Variants in CRB1 observed in about 807,000 individuals in gnomAD.
CRB1 encodes crumbs cell polarity complex component 1.
CRB1 carries 83 observed loss-of-function variants against 120.0 expected under a neutral mutation model. That is an observed-to-expected ratio of 0.69 (90% CI 0.58 to 0.83). CRB1 has a LOEUF of 0.83. Ranked by LOEUF, CRB1 falls within the 40% of genes least tolerant of loss-of-function variation. The pLI, the probability that CRB1 is intolerant of heterozygous loss-of-function variation, is 0.00. For synonymous variants in CRB1, 625 were observed against 612.5 expected (o/e 1.02, Z -0.30); for missense variants, 1,699 against 1,687.6 (o/e 1.01, Z -0.12).
At chr1:197,285,261 A>AT (rs769387134) in intron 1 of CRB1, among the ~76,000 whole-genome samples, 39 of 151,920 alleles carry the variant, frequency 2.6e-4, no homozygotes, top group Admixed American at 3.9e-4. Context: ...TAGCTAAACT[A>AT]TTTTTTATAA....
chr1:197,304,261 A>G, intron 1 of CRB1: 1 of 262,748 alleles, frequency 3.8e-6, no homozygotes, highest in Non-Finnish European at 5.9e-6. Context: ...ATTATTGTCT[A>G]ATTTTTTAAC....
At chr1:197,205,328 T>G in the CRB1 span, among the ~76,000 whole-genome samples, 29 of 152,186 alleles carry the variant, frequency 1.9e-4, no homozygotes, top group Admixed American at 1.6e-3. Flanking sequence ...TTTGTTCCAG[T>G]TCTCAGGGGG....
chr1:197,203,076 G>A, the CRB1 span, among the ~76,000 whole-genome samples: 11 of 151,342 alleles, frequency 7.3e-5, no homozygotes, highest in African/African-American at 2.7e-4. Context: ...AAAAATAAAC[G>A]TGTAATTCTT....
chr1:197,454,193 G>GATA (rs1401793931), intron 11 of CRB1, among the ~76,000 whole-genome samples: 1 of 151,412 alleles, frequency 6.6e-6, no homozygotes, highest in Non-Finnish European at 1.5e-5. Flanking sequence ...TGTGCCTACA[G>GATA]ATAATAATAC....
intron 10 of CRB1, chr1:197,439,154 G>A: frequency 1.8e-5 from 3 of 166,074 alleles, no homozygotes; most frequent in Admixed American, 5.7e-5. Context: ...AAATGGAGTT[G>A]GTCAATGGCT....
At chr1:197,349,492 G>A (rs1343402632) in intron 4 of CRB1, among the ~76,000 whole-genome samples, 2 of 152,098 alleles carry the variant, frequency 1.3e-5, no homozygotes, top group Non-Finnish European at 2.9e-5. Context: ...TCAAGGCCTA[G>A]TTATATAAGC....
the CRB1 span, among the ~76,000 whole-genome samples, chr1:197,249,292 C>G: frequency 6.6e-6 from 1 of 151,786 alleles, no homozygotes; most frequent in African/African-American, 2.4e-5. Flanking sequence ...GATGGACATA[C>G]ATTTTTTTTT....
the CRB1 span, among the ~76,000 whole-genome samples, chr1:197,253,329 A>G: frequency 1.1e-3 from 170 of 152,212 alleles, 2 homozygotes; most frequent in Non-Finnish European, 1.6e-4. Flanking sequence ...TCTATTTAAA[A>G]TGGCACGTAT....
At chr1:197,345,459 C>A (rs1395537303) in intron 3 of CRB1, among the ~76,000 whole-genome samples, 3 of 143,868 alleles carry the variant, frequency 2.1e-5, no homozygotes. Flanking sequence ...AAAAGGAGAG[C>A]AATAAAAGGC....
chr1:197,425,543 A>T (rs569981124), intron 6 of CRB1, among the ~76,000 whole-genome samples: 1 of 152,180 alleles, frequency 6.6e-6, no homozygotes, highest in Non-Finnish European at 1.5e-5. Context: ...GAAGACAGCA[A>T]TATCTTGAAG....
intron 5 of CRB1, chr1:197,364,107 T>C (rs1234064455): frequency 1.3e-5 from 14 of 1,054,424 alleles, no homozygotes; most frequent in Non-Finnish European, 1.9e-5. Context: ...GGTGGGCTGC[T>C]GAGGCTTGTG....
intron 1 of CRB1, among the ~76,000 whole-genome samples, chr1:197,327,106 A>ACAAAC (rs770722440): frequency 2.9e-5 from 3 of 105,184 alleles, no homozygotes; most frequent in African/African-American, 9.2e-5. Context: ...AAAAAAAAAA[A>ACAAAC]AAAAAAAAAA....
At chr1:197,326,899 T>C (rs1016072737) in intron 1 of CRB1, among the ~76,000 whole-genome samples, 10 of 151,422 alleles carry the variant, frequency 6.6e-5, no homozygotes, top group Non-Finnish European at 1.2e-4. Flanking sequence ...TAAAATTCCT[T>C]CAGTGAAAAT....
intron 11 of CRB1, among the ~76,000 whole-genome samples, chr1:197,460,992 A>G (rs185325126): frequency 5.9e-5 from 9 of 152,282 alleles, no homozygotes; most frequent in South Asian, 4.1e-4. Flanking sequence ...AATAGGATCC[A>G]GAATCTATTT....
the CRB1 span, among the ~76,000 whole-genome samples, chr1:197,238,982 T>C: frequency 6.6e-6 from 1 of 152,210 alleles, no homozygotes; most frequent in African/African-American, 2.4e-5. Context: ...CCTAGTCTTC[T>C]GCGTATTTAT....
chr1:197,395,756 A>G (rs2125422753), intron 5 of CRB1, among the ~76,000 whole-genome samples: 1 of 152,294 alleles, frequency 6.6e-6, no homozygotes, highest in South Asian at 2.1e-4. Context: ...CTATGTGATC[A>G]TCTCCATAGA....
At chr1:197,356,546 G>A (rs1390530427) in intron 4 of CRB1, among the ~76,000 whole-genome samples, 5 of 152,156 alleles carry the variant, frequency 3.3e-5, no homozygotes, top group Non-Finnish European at 7.4e-5. Context: ...TCATTAAAAT[G>A]TTCAGGTTAA....
intron 5 of CRB1, among the ~76,000 whole-genome samples, chr1:197,361,849 C>T (rs1424227433): frequency 2.7e-5 from 4 of 150,856 alleles, no homozygotes; most frequent in Middle Eastern, 3.4e-3. Context: ...TTTTTATATC[C>T]TTATTTCTGT....
At chr1:197,464,706 C>A (rs1666678254) in intron 11 of CRB1, among the ~76,000 whole-genome samples, 1 of 152,046 alleles carries the variant, frequency 6.6e-6, no homozygotes, top group African/African-American at 2.4e-5. Flanking sequence ...GTAAATAATT[C>A]ATGTCAGTAT....
Sources: allele counts gnomAD v4.1 joint callset (sites outside exome capture counted in the v4.1 genomes callset), GRCh38; gene constraint gnomAD v4.1.1; transcripts MANE v1.5; gene names NCBI Gene and HGNC (gene_info 2026-07-23, HGNC 2026-07-21).